CNOT4: variants seen among roughly 807,000 people sequenced by gnomAD.
The protein encoded by CNOT4 is CCR4-associated factor 4.
A neutral mutation model predicts 73.8 loss-of-function variants in CNOT4; 8 were observed. That is an observed-to-expected ratio of 0.11 (90% confidence interval 0.06 to 0.20). The LOEUF (loss-of-function observed/expected upper bound fraction) is 0.20. Ranked by LOEUF, CNOT4 falls within the 10% of genes least tolerant of loss-of-function variation. CNOT4 has a pLI of 1.00. For missense variants in CNOT4, 564 were observed against 883.4 expected (o/e 0.64, Z 4.58); for synonymous variants, 293 against 321.1 (o/e 0.91, Z 0.94).
rs1165928716 is a variant in CNOT4 at position 135,417,205 on chromosome 7, A to G, written c.373-1943T>C. Among the ~76,000 whole-genome samples the G allele has an allele frequency of 3.3e-5, 5 of 152,258 alleles. No homozygotes were observed. In the East Asian group the frequency reaches 9.6e-4, roughly 29 times the overall value. The stretch of plus-strand genomic sequence containing the variant: ...CAATATGTAAAGAAATTCTTCAATG[A>G]TCTAGTTAAAATGCAGATTCAGATC... On this transcript the variant is annotated intron_variant, in intron 3 of 11. Transcript: ENST00000541284.
intron 1 of CNOT4, among the ~76,000 whole-genome samples, chr7:135,452,756 T>C (rs1406200632): frequency 3.3e-5 from 5 of 152,194 alleles, no homozygotes; most frequent in African/African-American, 1.2e-4. Flanking sequence ...AATAGAGTGA[T>C]GAGATGAAAA....
chr7:135,485,454 T>TAAAAACAAAA (rs201079049), intron 1 of CNOT4, among the ~76,000 whole-genome samples: 3,044 of 152,190 alleles, frequency 0.02, 110 homozygotes, highest in African/African-American at 0.07. Context: ...AGCAGTTTTG[T>TAAAAACAAAA]GAAAACAAAA....
At chr7:135,436,477 T>C (rs1163137385) in intron 2 of CNOT4, among the ~76,000 whole-genome samples, 11 of 151,126 alleles carry the variant, frequency 7.3e-5, no homozygotes. Context: ...TGTCTTCTTA[T>C]GGAATGACTG....
intron 1 of CNOT4, among the ~76,000 whole-genome samples, chr7:135,451,272 G>A (rs759327109): frequency 6.6e-6 from 1 of 152,128 alleles, no homozygotes; most frequent in Non-Finnish European, 1.5e-5. Context: ...CTAATTGCAG[G>A]TACTGTATAA....
intron 1 of CNOT4, among the ~76,000 whole-genome samples, chr7:135,450,674 T>C (rs1435823015): frequency 6.6e-6 from 1 of 152,112 alleles, no homozygotes; most frequent in African/African-American, 2.4e-5. Context: ...ATTGAAGGCA[T>C]GGTAAGGAAA....
At chr7:135,478,946 G>C (rs1802171076) in intron 1 of CNOT4, among the ~76,000 whole-genome samples, 1 of 152,086 alleles carries the variant, frequency 6.6e-6, no homozygotes, top group Non-Finnish European at 1.5e-5. Context: ...ATTTTTCCAT[G>C]AAGTGATGTA....
At chr7:135,483,180 TTAAAAAAAAAAAAAAAATC>T (rs1802496923) in intron 1 of CNOT4, among the ~76,000 whole-genome samples, 1 of 136,874 alleles carries the variant, frequency 7.3e-6, no homozygotes, top group African/African-American at 2.7e-5. Flanking sequence ...ACAAAAAAAT[TTAAAAAAAAAAAAAAAATC>T]AGCTGCCACA....
At chr7:135,477,172 G>C (rs561545033) in intron 1 of CNOT4, among the ~76,000 whole-genome samples, 1 of 151,646 alleles carries the variant, frequency 6.6e-6, no homozygotes, top group African/African-American at 2.4e-5. Flanking sequence ...GCAAAACCCC[G>C]TCTCCGTTAA....
chr7:135,411,098 T>G (rs959542133), intron 6 of CNOT4, among the ~76,000 whole-genome samples: 1 of 152,050 alleles, frequency 6.6e-6, no homozygotes, highest in African/African-American at 2.4e-5. Context: ...GATTAGCACT[T>G]GAAGTAATAC....
At chr7:135,381,481 GC>G (rs1277532366) in intron 10 of CNOT4, among the ~76,000 whole-genome samples, 1 of 152,102 alleles carries the variant, frequency 6.6e-6, no homozygotes, top group Non-Finnish European at 1.5e-5. Context: ...TCCTTGCACT[GC>G]CCCCCACTGC....
intron 1 of CNOT4, among the ~76,000 whole-genome samples, chr7:135,467,029 T>C (rs1801265189): frequency 6.6e-6 from 1 of 152,182 alleles, no homozygotes; most frequent in South Asian, 2.1e-4. Context: ...GACAGAGCAT[T>C]TCAGTTTTTA....
Position 135,363,038 on chromosome 7 carries a change from C to A in CNOT4, c.1989G>T (p.Gln663His), listed in dbSNP as rs749981302. The A allele has an allele frequency of 1.9e-6, 3 of 1,612,556 alleles. No individual in the cohort carries two copies. Among genetic ancestry groups the A allele is most frequent in the Non-Finnish European group, 2.5e-6 (3 of 1,179,656 alleles). Residue 663 changes from glutamine (Q) to histidine (H), a missense_variant, in exon 12 of 12, where the codon CAG becomes CAT. Physicochemically the swap from Gln to His is conservative, Grantham distance 24. Around this residue, in one of 10 missense-constraint regions of CNOT4, gnomAD observed 88 missense variants for 94.7 expected, o/e 0.93. Coordinates refer to ENST00000541284, the MANE Select transcript of CNOT4 (RefSeq NM_001190850.2). This position sits in a 1 kb window ranked among gnomAD's most constrained non-coding sequence, Gnocchi z 4.3. ...QTHHSAPFST[Q>H]IPLHRASWNP... ...TCCAACTGGCTCTGTGCAGCGGGATCTGTGTGCTGAAGGGGGCGCTGTGGT... is the reference window on the plus strand; with the variant it reads ...TCCAACTGGCTCTGTGCAGCGGGATATGTGTGCTGAAGGGGGCGCTGTGGT...
chr7:135,479,198 ATTTTTTTTTTTTTTT>A (rs61487024), intron 1 of CNOT4, among the ~76,000 whole-genome samples: 2 of 89,872 alleles, frequency 2.2e-5, no homozygotes, highest in South Asian at 4.0e-4. Flanking sequence ...TTAGAACCAA[ATTTTTTTTTTTTTTT>A]TTTTTTTTTT....
chr7:135,443,378 T>A (rs939108741), intron 1 of CNOT4, among the ~76,000 whole-genome samples: 2 of 151,158 alleles, frequency 1.3e-5, no homozygotes, highest in African/African-American at 4.9e-5. Flanking sequence ...AGCCTTTTCA[T>A]ATACATGATC....
At chr7:135,470,444 T>C (rs1447392549) in intron 1 of CNOT4, among the ~76,000 whole-genome samples, 3 of 151,858 alleles carry the variant, frequency 2.0e-5, no homozygotes, top group Admixed American at 2.0e-4. Flanking sequence ...TCATAAGCAG[T>C]TTTATTCATA....
rs538803894 is a variant in CNOT4, at chr7:135,394,536, T to C, written c.1130-121A>G. 1.8e-5 allele frequency: 14 copies of C among 781,718 alleles called. No homozygotes were observed. The East Asian group carries it at 2.7e-4, about 15-fold the overall frequency. 48.4% of individuals were successfully genotyped at this position (781,718 alleles called of 1,614,324 possible). ...ACAAATTAAGTAAGTGCAAAATCTA[T>C]GTGACTTCTTAGCACATTAAGATCA... On this transcript the variant is annotated intron_variant, in intron 9 of 11. Transcript: ENST00000541284.
At chr7:135,443,846 T>C (rs1799640705) in intron 1 of CNOT4, among the ~76,000 whole-genome samples, 3 of 152,148 alleles carry the variant, frequency 2.0e-5, no homozygotes, top group Admixed American at 2.0e-4. Flanking sequence ...GTTCAAAACA[T>C]ATGTGTAAGA....
intron 1 of CNOT4, among the ~76,000 whole-genome samples, chr7:135,474,546 G>C (rs891734067): frequency 6.6e-6 from 1 of 152,028 alleles, no homozygotes; most frequent in African/African-American, 2.4e-5. Context: ...CAAAGTGCTA[G>C]GATTACAGAC....
At chr7:135,472,385 G>A (rs1395970825) in intron 1 of CNOT4, among the ~76,000 whole-genome samples, 2 of 144,490 alleles carry the variant, frequency 1.4e-5, no homozygotes, top group Admixed American at 7.0e-5. Context: ...GCTGAGGCAG[G>A]AGAATGGCGT....
Sources: gnomAD v4.1 joint callset for allele counts (sites outside exome capture counted in the v4.1 genomes callset) on GRCh38, gnomAD v4.1.1 for gene constraint, gnomAD v4.1.1 regional missense constraint, Gnocchi (gnomAD v3.1) non-coding constraint, MANE v1.5 for transcripts, NCBI Gene and HGNC (gene_info 2026-07-23, HGNC 2026-07-21) for gene names.